The following SLC5A1 variants were observed in gnomAD, a reference collection of about 807,000 sequenced individuals.
The protein encoded by SLC5A1 is sodium/glucose cotransporter 1.
SLC5A1 carries 42 observed loss-of-function variants against 73.5 expected under a neutral mutation model. The observed-to-expected ratio is 0.57, with a 90% confidence interval of 0.45 to 0.74. The LOEUF (loss-of-function observed/expected upper bound fraction) is 0.74. Among genes scored for constraint, SLC5A1 ranks in the 30% least tolerant of loss-of-function variants. The pLI, the probability that SLC5A1 is intolerant of heterozygous loss-of-function variation, is 0.00. For missense variants in SLC5A1, 634 were observed against 855.4 expected (o/e 0.74, Z 3.23); for synonymous variants, 300 against 317.4 (o/e 0.95, Z 0.58).
At chr22:32,047,626 T>TG (rs34194550) in intron 1 of SLC5A1, among the ~76,000 whole-genome samples, 8 of 152,082 alleles carry the variant, frequency 5.3e-5, no homozygotes, top group Non-Finnish European at 1.0e-4. Context: ...GCCCAGCACA[T>TG]GGGGGTGCTC....
intron 14 of SLC5A1, among the ~76,000 whole-genome samples, chr22:32,105,719 C>T (rs2094044553): frequency 6.6e-6 from 1 of 152,136 alleles, no homozygotes; most frequent in Non-Finnish European, 1.5e-5. Flanking sequence ...CATCCCTACC[C>T]CATCCCCAGA....
At position 32,049,873 on chromosome 22, in the gene SLC5A1, G is replaced by T. The variant is rs1251082995; in HGVS notation, c.136-70G>T. On this transcript the variant is annotated intron_variant, in intron 1 of 14. Transcript: ENST00000266088. ...GTAGAAGAAGGTGCACGAATGGGGA[G>T]GTATGTCCTTTTGGCTGGCAAGGCC... 3.4e-6 allele frequency: 4 copies of T among 1,182,770 alleles called. No individual in the cohort carries two copies. In the African/African-American group the frequency reaches 6.0e-5, roughly 18 times the overall value. The allele number at this position is 1,182,770 out of a possible 1,614,324, so 73.3% of individuals were successfully genotyped here. A position where few individuals can be genotyped will look rare whatever the true frequency, so the allele number is the denominator to read the frequency against.
At chr22:32,091,547 T>C in intron 10 of SLC5A1, 65 bp from the exon 11 acceptor site, 1 of 1,580,700 alleles carries the variant, frequency 6.3e-7, no homozygotes, top group Middle Eastern at 1.7e-4. Context: ...AGTCCTCATA[T>C]ATTTTTCAAG....
At position 32,043,688 on chromosome 22, in the gene SLC5A1, A is replaced by T. The variant is rs2093933288; in HGVS notation, c.135+272A>T. ...GCAGAGAAGGAAGGTGGGGGTTTGA[A>T]GAGACCGCTGGAAAGTGTAAGGGGC... On this transcript the variant is annotated intron_variant, in intron 1 of 14. Transcript: ENST00000266088. The surrounding 1 kb of genome is among the most constrained non-coding windows in gnomAD (Gnocchi z 6.5). Among the ~76,000 whole-genome samples, 1 of 152,196 alleles carries T rather than the reference A, an allele frequency of 6.6e-6. No individual in the cohort carries two copies. Among genetic ancestry groups the T allele is most frequent in the South Asian group, 2.1e-4 (1 of 4,830 alleles).
In SLC5A1 at chr22:32,091,398, C is replaced by T. The variant is rs149007267; in HGVS notation, c.1130-214C>T. Among the ~76,000 whole-genome samples, 1,229 of 152,042 alleles carry T rather than the reference C, an allele frequency of 8.1e-3. 9 individuals are homozygous for T. Among genetic ancestry groups the T allele is most frequent in the Non-Finnish European group, 0.014 (942 of 67,956 alleles). On this transcript the variant is annotated intron_variant, in intron 10 of 14. Coordinates refer to ENST00000266088, the MANE Select transcript of SLC5A1 (RefSeq NM_000343.4). ...AGTATTCACCTCAAGTATGTTGTGT[C>T]TCTGGCTCTTTGTGGCTGCTGTGGG...
chr22:32,053,349 TCTC>T (rs772227947), intron 2 of SLC5A1, among the ~76,000 whole-genome samples: 14 of 152,132 alleles, frequency 9.2e-5, no homozygotes, highest in Non-Finnish European at 1.6e-4. Flanking sequence ...TTCTCCTCCT[TCTC>T]CTCATTCTTT....
intron 11 of SLC5A1, among the ~76,000 whole-genome samples, chr22:32,098,514 T>C (rs1175426329): frequency 6.6e-6 from 1 of 152,220 alleles, no homozygotes; most frequent in Admixed American, 6.5e-5. Flanking sequence ...AGAATTTGAA[T>C]CCAGGACTAT....
chr22:32,091,966 C>T (rs1192741666), intron 11 of SLC5A1, among the ~76,000 whole-genome samples: 1 of 151,726 alleles, frequency 6.6e-6, no homozygotes, highest in Admixed American at 6.6e-5. Flanking sequence ...TATTTCCATT[C>T]ATGTTTGGGA....
intron 2 of SLC5A1, among the ~76,000 whole-genome samples, chr22:32,053,331 CCTT>C (rs1251582947): frequency 6.6e-6 from 1 of 152,154 alleles, no homozygotes; most frequent in African/African-American, 2.4e-5. Context: ...TTCTCTTCCT[CCTT>C]TTTATTCTCC....
chr22:32,046,751 T>C (rs1479835955), intron 1 of SLC5A1, among the ~76,000 whole-genome samples: 1 of 152,232 alleles, frequency 6.6e-6, no homozygotes, highest in Non-Finnish European at 1.5e-5. Context: ...GATATTTGTA[T>C]TCCATGGAGA....
At chr22:32,089,131 G>A (rs566785847) in intron 10 of SLC5A1, among the ~76,000 whole-genome samples, 1 of 152,334 alleles carries the variant, frequency 6.6e-6, no homozygotes, top group East Asian at 1.9e-4. Flanking sequence ...AATCCTGAAC[G>A]AATGGCAGAG....
rs6147589 is a variant in SLC5A1 at position 32,078,954 on chromosome 22, C to CAAAA, written c.478-2885_478-2882dup. ...TGGCGAAAGAGCAAGACTCTGTCTC[C>CAAAA]AAAAAAAAAAAAAAAAAAAAAAAAA... On this transcript the variant is annotated intron_variant, in intron 5 of 14. Transcript: ENST00000266088. 7.9e-3 allele frequency among the ~76,000 whole-genome samples: 859 copies of CAAAA among 108,892 alleles called. 22 individuals carry two copies. Among genetic ancestry groups the CAAAA allele is most frequent in the African/African-American group, 0.011 (249 of 22,676 alleles). The allele number at this position is 108,892 out of a possible 152,430, so 71.4% of individuals were successfully genotyped here. A position where few individuals can be genotyped will look rare whatever the true frequency, so the allele number is the denominator to read the frequency against.
chr22:32,051,212 G>T (rs1434154845), intron 2 of SLC5A1, among the ~76,000 whole-genome samples: 1 of 152,228 alleles, frequency 6.6e-6, no homozygotes, highest in Non-Finnish European at 1.5e-5. Flanking sequence ...CCAAAGGGCA[G>T]GGAGTGGGAA....
chr22:32,086,009 T>C (rs192229216), intron 9 of SLC5A1, among the ~76,000 whole-genome samples: 6,805 of 151,876 alleles, frequency 0.045, 202 homozygotes, highest in Non-Finnish European at 0.07. Context: ...GGCATGGTGG[T>C]GGGCGCCTGT....
At chr22:32,101,532 TTC>T (rs2094036360) in intron 12 of SLC5A1, among the ~76,000 whole-genome samples, 2 of 152,206 alleles carry the variant, frequency 1.3e-5, no homozygotes, top group Admixed American at 6.5e-5. Context: ...ATGGAAAAGT[TTC>T]TTTCTCCTTC....
At chr22:32,062,174 G>A (rs913131331) in intron 2 of SLC5A1, among the ~76,000 whole-genome samples, 1 of 152,170 alleles carries the variant, frequency 6.6e-6, no homozygotes, top group Non-Finnish European at 1.5e-5. Flanking sequence ...GTAAGGTAGC[G>A]AGTTCTCTGT....
At chr22:32,078,965 A>G (rs1460461510) in intron 5 of SLC5A1, among the ~76,000 whole-genome samples, 2 of 29,722 alleles carry the variant, frequency 6.7e-5, no homozygotes, top group African/African-American at 1.2e-4. Context: ...AAAAAAAAAA[A>G]AAAAAAAAAA....
In SLC5A1 at chr22:32,111,833, A is replaced by C. The variant is rs1185535052; in HGVS notation, c.*1620A>C. The C allele has an allele frequency of 2.0e-5, 3 of 152,180 alleles. No individual in the cohort carries two copies. The highest frequency in any genetic ancestry group is 7.2e-5 in the African/African-American group (3 of 41,444). The allele number at this position is 152,180 out of a possible 1,614,324, so 9.4% of individuals were successfully genotyped here. A position where few individuals can be genotyped will look rare whatever the true frequency, so the allele number is the denominator to read the frequency against. On this transcript the variant is annotated 3_prime_UTR_variant, in exon 15 of 15. Transcript: ENST00000266088. ...ATCCGGTGTTTAGTTTGATTTTTTG[A>C]GTGCAGGTTCATTCAAGGACCAGGT...
chr22:32,087,063 T>C (rs1163065022), intron 10 of SLC5A1, among the ~76,000 whole-genome samples: 3 of 152,062 alleles, frequency 2.0e-5, no homozygotes, highest in Admixed American at 2.0e-4. Context: ...GTCAAATTTG[T>C]AGAAGCAGAG....
Sources: gnomAD v4.1 joint callset for allele counts (sites outside exome capture counted in the v4.1 genomes callset) on GRCh38, gnomAD v4.1.1 for gene constraint, Gnocchi (gnomAD v3.1) non-coding constraint, MANE v1.5 for transcripts, NCBI Gene and HGNC (gene_info 2026-07-23, HGNC 2026-07-21) for gene names.